Variants in COL4A4 observed in about 807,000 individuals in gnomAD.
COL4A4 encodes the protein collagen type IV alpha 4 chain.
A neutral mutation model predicts 192.9 loss-of-function variants in COL4A4; 105 were observed. That is an observed-to-expected ratio of 0.54 (90% confidence interval 0.46 to 0.64). COL4A4 has a LOEUF of 0.64. Ranked by LOEUF, COL4A4 falls within the 30% of genes least tolerant of loss-of-function variation. COL4A4 has a pLI of 0.00. For missense variants in COL4A4, 1,967 were observed against 2,169.3 expected, an observed-to-expected ratio of 0.91 and a Z score of 1.85; for synonymous variants, 762 against 769.9, an observed-to-expected ratio of 0.99 and a Z score of 0.17.
At chr2:227,159,356 C>T (rs1028150880) in intron 1 of COL4A4, among the ~76,000 whole-genome samples, 2 of 152,170 alleles carry the variant, frequency 1.3e-5, no homozygotes, top group Non-Finnish European at 2.9e-5. Flanking sequence ...CAGAAAGAAA[C>T]TTCTGGGAGT....
At chr2:227,017,393 G>T (rs1483695893) in intron 44 of COL4A4, among the ~76,000 whole-genome samples, 1 of 152,188 alleles carries the variant, frequency 6.6e-6, no homozygotes, top group African/African-American at 2.4e-5. Context: ...CTTGGAATTA[G>T]TTTTAAGGAA....
At chr2:227,069,401 G>A (rs1245802501) in intron 25 of COL4A4, among the ~76,000 whole-genome samples, 1 of 152,090 alleles carries the variant, frequency 6.6e-6, no homozygotes, top group African/African-American at 2.4e-5. Context: ...AAAAGAGCCG[G>A]CATCGCCAAG....
At chr2:227,116,842 T>TAGAA (rs113968360) in intron 7 of COL4A4, among the ~76,000 whole-genome samples, 5,263 of 152,214 alleles carry the variant, frequency 0.035, 287 homozygotes, top group African/African-American at 0.12. Context: ...GATCCGAACT[T>TAGAA]AGGAGTATCA....
intron 46 of COL4A4, among the ~76,000 whole-genome samples, chr2:227,009,734 A>AAGAGAAGAGAAG (rs1225977233): frequency 5.5e-5 from 8 of 145,248 alleles, no homozygotes; most frequent in Non-Finnish European, 1.1e-4. Context: ...GAGAAGAGAA[A>AAGAGAAGAGAAG]AGAGAAGAGA....
chr2:227,077,756 G>C (rs1049776178), intron 25 of COL4A4, 138 bp downstream of exon 25: 1 of 746,158 alleles, frequency 1.3e-6, no homozygotes, highest in Admixed American at 2.7e-5. Flanking sequence ...AAATCTACAC[G>C]TTAGGTAAAA....
chr2:227,112,150 G>A (rs1368674589), intron 8 of COL4A4, among the ~76,000 whole-genome samples: 2 of 152,032 alleles, frequency 1.3e-5, no homozygotes, highest in African/African-American at 2.4e-5. Flanking sequence ...TACTTCTATC[G>A]CCTTGTGACT....
chr2:227,098,150 G>T (rs1241706474), intron 19 of COL4A4, among the ~76,000 whole-genome samples: 4 of 152,148 alleles, frequency 2.6e-5, no homozygotes, highest in African/African-American at 7.2e-5. Flanking sequence ...ATGAATGAAA[G>T]TTTTTTTAAT....
intron 46 of COL4A4, among the ~76,000 whole-genome samples, 174 bp downstream of exon 46, chr2:227,010,139 A>G (rs551607035): frequency 1.9e-4 from 29 of 152,374 alleles, no homozygotes; most frequent in African/African-American, 6.5e-4. Context: ...TTGACACTTC[A>G]TAGGATCATA....
intron 1 of COL4A4, among the ~76,000 whole-genome samples, chr2:227,151,701 T>C (rs1475528216): frequency 6.6e-6 from 1 of 152,212 alleles, no homozygotes; most frequent in Non-Finnish European, 1.5e-5. Flanking sequence ...GTGAGGCATC[T>C]GGGACGCAAT....
intron 34 of COL4A4, among the ~76,000 whole-genome samples, chr2:227,047,960 A>G (rs1358598101): frequency 6.6e-6 from 1 of 152,208 alleles, no homozygotes; most frequent in Non-Finnish European, 1.5e-5. Context: ...AAGCTCTTTT[A>G]TAAGGCAGCT....
chr2:227,089,019 G>A (rs1333251314), intron 21 of COL4A4, among the ~76,000 whole-genome samples: 1 of 152,128 alleles, frequency 6.6e-6, no homozygotes, highest in Admixed American at 6.5e-5. Flanking sequence ...TGTAGGGTGG[G>A]CATACCATTT....
At chr2:227,040,284 G>A (rs1006344625) in intron 37 of COL4A4, among the ~76,000 whole-genome samples, 1 of 152,146 alleles carries the variant, frequency 6.6e-6, no homozygotes, top group Non-Finnish European at 1.5e-5. Flanking sequence ...AGGAAACCTG[G>A]TTACAAGACT....
In COL4A4 at chr2:227,131,896, CAGA is replaced by C. The variant is rs542024339; in HGVS notation, c.192+8262_192+8264del. On this transcript the variant is annotated intron_variant, in intron 4 of 47. Transcript: ENST00000396625. ...AAGGAATGCCAAGGACTGCTGACAC[CAGA>C]AGGAGTGGAAGGAGGCAAGGAGCAG... Among the ~76,000 whole-genome samples the C allele has an allele frequency of 5.3e-5, 8 of 152,296 alleles. No individual in the cohort carries two copies. In the South Asian group the frequency reaches 8.3e-4, roughly 16 times the overall value.
chr2:227,063,276 G>C (rs1006681604), intron 25 of COL4A4, among the ~76,000 whole-genome samples: 2 of 152,136 alleles, frequency 1.3e-5, no homozygotes, highest in Non-Finnish European at 2.9e-5. Context: ...AAACACCCAA[G>C]TTTGAGCCTC....
At position 227,099,614 on chromosome 2, in the gene COL4A4, A is replaced by T; in HGVS notation, c.1099+6T>A. On this transcript the variant is annotated splice_donor_region_variant and intron_variant, in intron 18 of 47. Coordinates refer to ENST00000396625, the MANE Select transcript of COL4A4 (RefSeq NM_000092.5). ...ATTTATGGAGGAACTGAATAGGAAC[A>T]CAAACCTTTGAGTGGAAGAGGTGGA... 1 of 1,613,900 alleles carries T rather than the reference A, an allele frequency of 6.2e-7. No homozygotes were observed. The highest frequency in any genetic ancestry group is 8.5e-7 in the Non-Finnish European group (1 of 1,179,772).
In COL4A4 at chr2:227,161,079, C is replaced by T. The variant is rs114518762; in HGVS notation, c.-102+2928G>A. On this transcript the variant is annotated intron_variant, in intron 1 of 47. Coordinates refer to ENST00000396625, the MANE Select transcript of COL4A4 (RefSeq NM_000092.5). The stretch of plus-strand genomic sequence containing the variant: ...TCTACAATGAAGGCTAGAGGTAGAT[C>T]ATGAACTTAGGAAGAAACCAGACTA... 5.9e-3 allele frequency among the ~76,000 whole-genome samples: 899 copies of T among 152,314 alleles called. 14 individuals are homozygous for T. Among genetic ancestry groups the T allele is most frequent in the African/African-American group, 0.019 (803 of 41,564 alleles).
chr2:227,161,713 AGAGT>A (rs1559774371), intron 1 of COL4A4, among the ~76,000 whole-genome samples: 1 of 152,196 alleles, frequency 6.6e-6, no homozygotes, highest in Non-Finnish European at 1.5e-5. Context: ...CAGTGGATCC[AGAGT>A]GAGACCAGAG....
chr2:227,047,419 T>A, intron 35 of COL4A4, 56 bp downstream of exon 35: 1 of 1,251,398 alleles, frequency 8.0e-7, no homozygotes, highest in Non-Finnish European at 1.2e-6. Context: ...GTAATTGTTC[T>A]GCTTTTCAAA....
intron 38 of COL4A4, 24 bp downstream of exon 38, chr2:227,033,386 G>C: frequency 2.5e-6 from 4 of 1,588,238 alleles, no homozygotes; most frequent in Non-Finnish European, 3.5e-6. Context: ...AGCTCAGTCT[G>C]TTACGAATCG....
Sources: gnomAD v4.1 joint callset for allele counts (sites outside exome capture counted in the v4.1 genomes callset) on GRCh38, gnomAD v4.1.1 for gene constraint, MANE v1.5 for transcripts, NCBI Gene and HGNC (gene_info 2026-07-23, HGNC 2026-07-21) for gene names.